The following NPIPB2 variants were observed in gnomAD, a reference collection of about 807,000 sequenced individuals.
NPIPB2 encodes nuclear pore complex interacting protein family member B2.
Under a neutral mutation model 30.8 loss-of-function variants are expected in NPIPB2, and 27 were observed. The observed-to-expected ratio is 0.88, with a 90% CI of 0.65 to 1.21. The LOEUF (loss-of-function observed/expected upper bound fraction) is 1.21, where lower values mean the gene tolerates loss of function less well. Ranked by LOEUF, NPIPB2 falls within the 50% of genes most tolerant of loss-of-function variation. The probability of loss-of-function intolerance (pLI) is 0.00; values close to 1 mark genes in which losing one functional copy is unlikely to be tolerated. For synonymous variants in NPIPB2, 147 were observed against 162.0 expected (o/e 0.91, Z 0.70); for missense variants, 440 against 446.2 (o/e 0.99, Z 0.13).
intron 1 of NPIPB2, chr16:11,967,231 A>T: frequency 4.2e-6 from 1 of 240,326 alleles, no homozygotes; most frequent in Non-Finnish European, 8.2e-6. Flanking sequence ...CAAGCTCCTG[A>T]CCACAAGTGA....
At chr16:11,947,560 G>A (rs1009748090) in intron 1 of NPIPB2, among the ~76,000 whole-genome samples, 2 of 151,324 alleles carry the variant, frequency 1.3e-5, no homozygotes, top group African/African-American at 4.9e-5. Context: ...TAGCCAGGAG[G>A]GTCTCAATCT....
In NPIPB2 at chr16:11,970,746, C is replaced by T. The variant is rs949029885; in HGVS notation, c.-584+5822G>A. ...AGACGGGGTTTCACCTTGTTGGACA[C>T]GGTGGTCTTGAACTCCTGACCTCGT... is the stretch of plus-strand genomic sequence containing the variant. On this transcript the variant is annotated intron_variant, in intron 1 of 5. Transcript: ENST00000538896. Among the ~76,000 whole-genome samples the T allele has an allele frequency of 1.3e-4, 19 of 151,740 alleles. No individual in the cohort carries two copies. In the South Asian group the frequency reaches 2.3e-3, roughly 18 times the overall value.
At chr16:11,967,863 C>G (rs539311998) in intron 1 of NPIPB2, 2 of 1,607,030 alleles carry the variant, frequency 1.2e-6, no homozygotes, top group African/African-American at 1.3e-5. Context: ...CATTTCGACT[C>G]GAGCAGTGCC....
At chr16:11,940,369 AAAAT>A (rs1489210450) in intron 1 of NPIPB2, among the ~76,000 whole-genome samples, 1 of 129,896 alleles carries the variant, frequency 7.7e-6, no homozygotes. Flanking sequence ...ATAAATAAAT[AAAAT>A]AATGTAGATC....
intron 1 of NPIPB2, chr16:11,967,690 A>C: frequency 6.2e-7 from 1 of 1,614,224 alleles, no homozygotes; most frequent in Non-Finnish European, 8.5e-7. Context: ...GACTGCATCA[A>C]GAGCAAACCG....
chr16:11,967,311 T>G (rs2055202173), intron 1 of NPIPB2, among the ~76,000 whole-genome samples: 1 of 152,066 alleles, frequency 6.6e-6, no homozygotes, highest in Non-Finnish European at 1.5e-5. Context: ...ACATACTCAT[T>G]CTTTTTTACT....
intron 1 of NPIPB2, chr16:11,967,809 A>G (rs1472614401): frequency 3.1e-6 from 5 of 1,614,098 alleles, no homozygotes; most frequent in Admixed American, 1.7e-5. Context: ...AGCTGCTTTG[A>G]GTGCTACGGA....
chr16:11,965,342 G>A, intron 1 of NPIPB2: 3 of 1,614,150 alleles, frequency 1.9e-6, no homozygotes, highest in Non-Finnish European at 1.7e-6. Context: ...AGATGGCTGG[G>A]CAGTGCTCCC....
chr16:11,972,552 G>A (rs1007800856), intron 1 of NPIPB2, among the ~76,000 whole-genome samples: 2 of 151,754 alleles, frequency 1.3e-5, no homozygotes, highest in African/African-American at 4.8e-5. Context: ...TCCAGCATGA[G>A]TAACACAGTG....
intron 1 of NPIPB2, among the ~76,000 whole-genome samples, chr16:11,947,384 G>A (rs899194793): frequency 1.4e-5 from 2 of 147,312 alleles, no homozygotes; most frequent in East Asian, 2.0e-4. Flanking sequence ...TCGCTCTGTC[G>A]CCCAGGCTGG....
intron 2 of NPIPB2, among the ~76,000 whole-genome samples, chr16:11,936,282 C>G (rs1011594013): frequency 3.3e-5 from 5 of 150,572 alleles, no homozygotes; most frequent in African/African-American, 1.2e-4. Context: ...CCAGCCTGGG[C>G]AACAGAGGGA....
At chr16:11,954,084 T>C (rs1168256649) in intron 1 of NPIPB2, among the ~76,000 whole-genome samples, 1 of 151,592 alleles carries the variant, frequency 6.6e-6, no homozygotes, top group Non-Finnish European at 1.5e-5. Context: ...AATAGGCATT[T>C]TGGTTATTTC....
intron 1 of NPIPB2, among the ~76,000 whole-genome samples, chr16:11,947,609 G>T (rs1470867409): frequency 6.6e-6 from 1 of 151,912 alleles, no homozygotes; most frequent in African/African-American, 2.4e-5. Flanking sequence ...CTCCCAAAAT[G>T]CTGGGATTAC....
At chr16:11,952,316 C>G (rs2055074855) in intron 1 of NPIPB2, among the ~76,000 whole-genome samples, 1 of 151,650 alleles carries the variant, frequency 6.6e-6, no homozygotes, top group Non-Finnish European at 1.5e-5. Flanking sequence ...CCACTGCACT[C>G]CAGCCTGGAT....
chr16:11,927,509 T>G, exon 8 of NPIPB2: 1 of 1,535,822 alleles, frequency 6.5e-7, no homozygotes, highest in Non-Finnish European at 8.8e-7. Context: ...CCTCCGCCTC[T>G]TGGGTTCGGG....
chr16:11,961,370 T>C (rs891185554), intron 1 of NPIPB2, among the ~76,000 whole-genome samples: 1 of 152,090 alleles, frequency 6.6e-6, no homozygotes, highest in African/African-American at 2.4e-5. Context: ...TTTTGATCAA[T>C]ATCTAAGTTC....
At chr16:11,967,650 G>T in intron 1 of NPIPB2, 2 of 1,614,146 alleles carry the variant, frequency 1.2e-6, no homozygotes, top group Non-Finnish European at 1.7e-6. Context: ...GAGAGGCCTC[G>T]AGTACACGGT....
chr16:11,941,270 G>A, intron 1 of NPIPB2: 2 of 1,501,124 alleles, frequency 1.3e-6, no homozygotes, highest in Non-Finnish European at 1.8e-6. Flanking sequence ...GGCGCCCTGA[G>A]GCGGCCAGGA....
intron 1 of NPIPB2, among the ~76,000 whole-genome samples, chr16:11,955,596 A>T (rs924870639): frequency 2.0e-5 from 3 of 151,360 alleles, no homozygotes; most frequent in African/African-American, 7.3e-5. Flanking sequence ...ACGCCCCTTT[A>T]TTCCCAGCTA....
Sources: gnomAD v4.1 joint callset for allele counts (sites outside exome capture counted in the v4.1 genomes callset) on GRCh38, gnomAD v4.1.1 for gene constraint, MANE v1.5 for transcripts, NCBI Gene and HGNC (gene_info 2026-07-23, HGNC 2026-07-21) for gene names.